Variants in TEX2 observed in about 807,000 individuals in gnomAD.
The protein encoded by TEX2 is testis expressed 2.
TEX2 carries 53 observed loss-of-function variants against 106.9 expected under a neutral mutation model. The ratio of observed to expected loss-of-function variants is 0.50; its 90% confidence interval spans 0.40 to 0.62. TEX2 has a LOEUF of 0.62. Among genes scored for constraint, TEX2 ranks in the 20% least tolerant of loss-of-function variants. The probability of loss-of-function intolerance (pLI) is 0.00; values close to 1 mark genes in which losing one functional copy is unlikely to be tolerated. For missense variants in TEX2, 1,207 were observed against 1,379.0 expected (o/e 0.88, Z 1.98); for synonymous variants, 523 against 534.8 (o/e 0.98, Z 0.30).
chr17:64,219,877 A>G (rs2033308319), intron 1 of TEX2, among the ~76,000 whole-genome samples: 1 of 152,232 alleles, frequency 6.6e-6, no homozygotes, highest in Non-Finnish European at 1.5e-5. Flanking sequence ...CCTAGTCCCT[A>G]AAACCTGTGA....
In TEX2 at chr17:64,212,579, G is replaced by C. The variant is rs1555631686; in HGVS notation, c.1639C>G (p.Leu547Val). ...GCTCCCGGGGAGAGGCTTACCTTCA[G>C]TATTTCAGGTTCTTTGATATCCAGA... Reference protein sequence around the residue: ...RSLDIKEPEILKGWMNEIYNY... With the variant: ...RSLDIKEPEIVKGWMNEIYNY... Residue 547 changes from leucine to valine, a missense_variant, in exon 2 of 12, where the codon CTG (leucine) becomes GTG (valine). Around this residue, in one of 3 missense-constraint regions of TEX2, gnomAD observed 1,067 missense variants for 1,193.6 expected, o/e 0.89. Coordinates refer to ENST00000584379, the MANE Select transcript of TEX2 (RefSeq NM_001288732.2). The C allele has an allele frequency of 2.5e-6, 4 of 1,612,802 alleles. No individual in the cohort carries two copies. The highest frequency in any genetic ancestry group is 3.4e-6 in the Non-Finnish European group (4 of 1,179,146).
chr17:64,174,005 C>T (rs990106014), intron 6 of TEX2, among the ~76,000 whole-genome samples: 3 of 152,094 alleles, frequency 2.0e-5, no homozygotes, highest in Admixed American at 6.5e-5. Flanking sequence ...ACCACTACCA[C>T]GCTTGGATAA....
At position 64,239,493 on chromosome 17, in the gene TEX2, C is replaced by T. The variant is rs182805725; in HGVS notation, c.-26+23675G>A. On this transcript the variant is annotated intron_variant, in intron 1 of 11. Coordinates refer to ENST00000584379, the MANE Select transcript of TEX2 (RefSeq NM_001288732.2). Reference sequence around the variant, plus strand: ...ATGTTTGTTTTCTGTCAAATGCTTACTGCATGTTTCCAACCCAAATCCACT... The same window carrying T: ...ATGTTTGTTTTCTGTCAAATGCTTATTGCATGTTTCCAACCCAAATCCACT... Among the ~76,000 whole-genome samples the T allele has an allele frequency of 7.0e-4, 106 of 152,278 alleles. 1 individual carries two copies. The East Asian group carries it at 0.018, about 26-fold the overall frequency.
chr17:64,207,567 T>A (rs2032871576), intron 2 of TEX2, among the ~76,000 whole-genome samples: 1 of 152,196 alleles, frequency 6.6e-6, no homozygotes, highest in Non-Finnish European at 1.5e-5. Context: ...ACATTTTCAA[T>A]AAGTGGCTCT....
At position 64,213,028 on chromosome 17, in the gene TEX2, G is replaced by C. The variant is rs1555631861; in HGVS notation, c.1190C>G (p.Thr397Arg). ...ACATTTCTCCAGAACTAGAGAACTTGTCTTCAGGCCTAAATCCTTCAGACT... is the reference window on the plus strand; with the variant it reads ...ACATTTCTCCAGAACTAGAGAACTTCTCTTCAGGCCTAAATCCTTCAGACT... ...GSSLKDLGLKTSSLVLEKCSL... is the reference protein window; with the variant it reads ...GSSLKDLGLKRSSLVLEKCSL... Residue 397 changes from threonine (T) to arginine (R), a missense_variant, in exon 2 of 12, where the codon ACA becomes AGA. Transcript: ENST00000584379. This position sits in a 1 kb window ranked among gnomAD's most constrained non-coding sequence, Gnocchi z 4.4. 6.2e-7 allele frequency: 1 copy of C among 1,614,204 alleles called. No homozygotes were observed. The highest frequency in any genetic ancestry group is 8.5e-7 in the Non-Finnish European group (1 of 1,180,042).
At chr17:64,230,285 C>T (rs1014420736) in intron 1 of TEX2, among the ~76,000 whole-genome samples, 3 of 152,036 alleles carry the variant, frequency 2.0e-5, no homozygotes, top group Admixed American at 6.6e-5. Flanking sequence ...CAAGGTGCCC[C>T]GCCAAGACAA....
chr17:64,152,094 G>A (rs2030386205), intron 10 of TEX2, among the ~76,000 whole-genome samples: 1 of 152,078 alleles, frequency 6.6e-6, no homozygotes, highest in Non-Finnish European at 1.5e-5. Context: ...AATACCGATG[G>A]TATGTACTAG....
intron 1 of TEX2, among the ~76,000 whole-genome samples, chr17:64,215,445 C>T (rs2033156154): frequency 6.6e-6 from 1 of 152,170 alleles, no homozygotes; most frequent in South Asian, 2.1e-4. Flanking sequence ...ATGGTGTGTG[C>T]AGCCACCTGG....
At chr17:64,230,591 G>A (rs1194285610) in intron 1 of TEX2, 2 of 152,286 alleles carry the variant, frequency 1.3e-5, no homozygotes, top group East Asian at 3.9e-4. Context: ...TAGTAAATCA[G>A]TCATTGAAAA....
chr17:64,151,901 G>A lies in TEX2; in HGVS notation c.3141-940C>T, dbSNP rs1236347784. Among the ~76,000 whole-genome samples, 9 of 152,044 alleles carry A rather than the reference G, an allele frequency of 5.9e-5. No individual in the cohort carries two copies. The East Asian group carries it at 1.7e-3, about 29-fold the overall frequency. ...TTATTTCTGGATGGTGAGATTATGG[G>A]TTTTTATTTATTTATCTATTTTTCA... On this transcript the variant is annotated intron_variant, in intron 10 of 11. Transcript: ENST00000584379.
rs782767318 is a variant in TEX2, at chr17:64,212,609, T to G, written c.1609A>C (p.Arg537=). ...LHKNLRHWNT[R]SLDIKEPEIL... ...TCAGGTTCTTTGATATCCAGAGATC[T>G]TGTGTTCCAGTGTCGCAGATTTTTG... Residue 537 remains arginine, a synonymous_variant, in exon 2 of 12, where the codon AGA becomes CGA. Coordinates refer to ENST00000584379, the MANE Select transcript of TEX2 (RefSeq NM_001288732.2). 6.2e-6 allele frequency: 10 copies of G among 1,614,066 alleles called. No homozygotes were observed. Among genetic ancestry groups the G allele is most frequent in the Admixed American group, 5.0e-5 (3 of 60,004 alleles).
At chr17:64,190,185 T>C (rs924565269) in intron 4 of TEX2, among the ~76,000 whole-genome samples, 4 of 152,178 alleles carry the variant, frequency 2.6e-5, no homozygotes, top group Admixed American at 2.6e-4. Context: ...AAAAATACAT[T>C]TTTGTAACTT....
intron 7 of TEX2, among the ~76,000 whole-genome samples, chr17:64,163,538 G>A (rs2030982791): frequency 6.6e-6 from 1 of 152,194 alleles, no homozygotes; most frequent in Admixed American, 6.5e-5. Context: ...ATGAGGGTAA[G>A]AAGACTATTT....
intron 1 of TEX2, among the ~76,000 whole-genome samples, chr17:64,219,031 C>T (rs1299902612): frequency 3.9e-5 from 6 of 151,928 alleles, no homozygotes; most frequent in African/African-American, 1.5e-4. Context: ...CAAGTTATTC[C>T]GAGAAATACT....
chr17:64,193,458 G>T, intron 4 of TEX2, 101 bp downstream of exon 4: 1 of 953,116 alleles, frequency 1.0e-6, no homozygotes, highest in Non-Finnish European at 1.5e-6. Context: ...ATCAGTTCAG[G>T]GTGGGCTTCC....
intron 7 of TEX2, among the ~76,000 whole-genome samples, chr17:64,161,406 T>C (rs1271490425): frequency 1.3e-5 from 2 of 152,210 alleles, no homozygotes; most frequent in African/African-American, 2.4e-5. Context: ...GCTGTCTTTC[T>C]TAAAATTCTC....
intron 1 of TEX2, among the ~76,000 whole-genome samples, chr17:64,252,479 A>AT (rs1489087049): frequency 6.6e-6 from 1 of 151,896 alleles, no homozygotes; most frequent in Non-Finnish European, 1.5e-5. Context: ...TAATTTTTAA[A>AT]TTTTTTGTAA....
Position 64,195,154 on chromosome 17 carries a change from G to A in TEX2, c.1645-59C>T. On this transcript the variant is annotated intron_variant, in intron 2 of 11. Transcript: ENST00000584379. The surrounding 1 kb of genome is among the most constrained non-coding windows in gnomAD (Gnocchi z 4.1). ...AATAATCGCAAATCTGATTTAGTGT[G>A]AAATGATGAACACTGTGGTATTTGG... The A allele has an allele frequency of 6.7e-7, 1 of 1,495,782 alleles. No individual in the cohort carries two copies. The highest frequency in any genetic ancestry group is 1.2e-5 in the South Asian group (1 of 86,738). 92.7% of individuals were successfully genotyped at this position (1,495,782 alleles called of 1,614,324 possible).
At chr17:64,174,471 C>T (rs2031542622) in intron 6 of TEX2, among the ~76,000 whole-genome samples, 1 of 152,148 alleles carries the variant, frequency 6.6e-6, no homozygotes, top group South Asian at 2.1e-4. Flanking sequence ...CATCTATAAC[C>T]AACCCTCCAG....
Sources: gnomAD v4.1 joint callset for allele counts (sites outside exome capture counted in the v4.1 genomes callset) on GRCh38, gnomAD v4.1.1 for gene constraint, gnomAD v4.1.1 regional missense constraint, Gnocchi (gnomAD v3.1) non-coding constraint, MANE v1.5 for transcripts, NCBI Gene and HGNC (gene_info 2026-07-23, HGNC 2026-07-21) for gene names.